Variants in CCDC3 observed in about 807,000 individuals in gnomAD.
CCDC3 encodes coiled-coil domain-containing protein 3.
Under a neutral mutation model 21.4 loss-of-function variants are expected in CCDC3, and 24 were observed. The ratio of observed to expected loss-of-function variants is 1.12; its 90% CI spans 0.81 to 1.58. CCDC3 has a LOEUF of 1.58. Ranked by LOEUF, CCDC3 falls within the 40% of genes most tolerant of loss-of-function variation. The probability of loss-of-function intolerance (pLI) is 0.00; values close to 1 mark genes in which losing one functional copy is unlikely to be tolerated. For synonymous variants in CCDC3, 186 were observed against 166.0 expected (o/e 1.12, Z -0.93); for missense variants, 425 against 360.9 (o/e 1.18, Z -1.44).
In CCDC3 at chr10:12,898,244, G is replaced by T; in HGVS notation, c.*172C>A. 2 of 791,174 alleles carry T rather than the reference G, an allele frequency of 2.5e-6. No homozygotes were observed. The highest frequency in any genetic ancestry group is 3.9e-6 in the Non-Finnish European group (2 of 511,742). 49.0% of individuals were successfully genotyped at this position (791,174 alleles called of 1,614,324 possible). On this transcript the variant is annotated 3_prime_UTR_variant, in exon 3 of 3. Coordinates refer to ENST00000378825, the MANE Select transcript of CCDC3 (RefSeq NM_031455.4). ...GCAGCGCGTGGGGTCTGACATTGAG[G>T]CCAGCACCCAAGGGGAAAGCAAGCC...
intron 4 of CCDC3, among the ~76,000 whole-genome samples, chr10:13,059,948 G>A (rs1042650226): frequency 2.6e-5 from 4 of 152,174 alleles, no homozygotes; most frequent in Admixed American, 1.3e-4. Context: ...TTAGCCGGGC[G>A]TGATGGCGGG....
chr10:12,989,723 C>T (rs971894803), intron 2 of CCDC3, among the ~76,000 whole-genome samples: 1 of 152,086 alleles, frequency 6.6e-6, no homozygotes, highest in Non-Finnish European at 1.5e-5. Flanking sequence ...CACCTGGCCC[C>T]AGCACCCTTT....
chr10:12,911,815 C>CT (rs1476070019), intron 2 of CCDC3, among the ~76,000 whole-genome samples: 1 of 152,178 alleles, frequency 6.6e-6, no homozygotes, highest in Admixed American at 6.5e-5. Context: ...TCCAATACCC[C>CT]TTCCAAGTCT....
chr10:13,084,623 C>T (rs1484538449), intron 3 of CCDC3, among the ~76,000 whole-genome samples: 1 of 152,152 alleles, frequency 6.6e-6, no homozygotes, highest in Non-Finnish European at 1.5e-5. Flanking sequence ...TTTTGCTTTG[C>T]ACTGTGGACT....
At chr10:13,091,820 CAAAAAAAAAAA>C (rs5783305) in intron 3 of CCDC3, among the ~76,000 whole-genome samples, 16 of 127,354 alleles carry the variant, frequency 1.3e-4, no homozygotes, top group Non-Finnish European at 1.8e-4. Flanking sequence ...AAGCCCAATC[CAAAAAAAAAAA>C]AAAAAAAAAA....
chr10:13,025,759 CTCTCAG>C (rs1236530535), intron 5 of CCDC3, among the ~76,000 whole-genome samples: 10 of 152,176 alleles, frequency 6.6e-5, no homozygotes, highest in African/African-American at 2.4e-4. Context: ...TTGAGTCTCA[CTCTCAG>C]ATCAAGAACA....
At chr10:13,025,988 C>T (rs1044098443) in intron 5 of CCDC3, among the ~76,000 whole-genome samples, 12 of 152,230 alleles carry the variant, frequency 7.9e-5, no homozygotes, top group Admixed American at 5.9e-4. Context: ...CAAGACCAGC[C>T]TGGCCAACAT....
upstream of CCDC3, among the ~76,000 whole-genome samples, chr10:13,003,966 T>C (rs115024815): frequency 0.02 from 2,993 of 152,252 alleles, 110 homozygotes; most frequent in African/African-American, 0.068. Flanking sequence ...ACTGATTGGG[T>C]TTCTCTTCCT....
In CCDC3 at chr10:13,039,681, T is replaced by C. The variant is rs944192480; in HGVS notation, c.-2+9993A>G. 4.6e-5 allele frequency among the ~76,000 whole-genome samples: 7 copies of C among 152,140 alleles called. No homozygotes were observed. In the East Asian group the frequency reaches 1.3e-3, roughly 29 times the overall value. On this transcript the variant is annotated intron_variant, in intron 5 of 6. Coordinates refer to the CCDC3 transcript ENST00000378839. ...AAAGTTGGGAGAGTGCAGAGTAACA[T>C]TCTGATTTCACTGTAATTTGCACTG...
intron 3 of CCDC3, among the ~76,000 whole-genome samples, chr10:13,092,650 A>G (rs1832584457): frequency 6.6e-6 from 1 of 152,208 alleles, no homozygotes; most frequent in East Asian, 1.9e-4. Flanking sequence ...ATTCAGAAAA[A>G]GGAATGGATG....
chr10:13,004,725 C>A (rs11258118), upstream of CCDC3, among the ~76,000 whole-genome samples: 492 of 152,022 alleles, frequency 3.2e-3, 5 homozygotes, highest in East Asian at 0.025. Context: ...CTAGGCCAGC[C>A]GTGGTAAGAG....
intron 3 of CCDC3, among the ~76,000 whole-genome samples, chr10:13,076,521 T>A (rs187292420): frequency 2.1e-3 from 318 of 152,346 alleles, no homozygotes; most frequent in African/African-American, 7.1e-3. Flanking sequence ...ATCATAAGTG[T>A]TAGAAGTAAT....
intron 2 of CCDC3, among the ~76,000 whole-genome samples, chr10:12,993,429 C>G (rs1835708207): frequency 6.6e-6 from 1 of 152,076 alleles, no homozygotes; most frequent in Non-Finnish European, 1.5e-5. Context: ...CTTCCCAACT[C>G]CAAAAGAAGA....
chr10:13,089,018 A>AT (rs1554766758), intron 3 of CCDC3, among the ~76,000 whole-genome samples: 1 of 151,706 alleles, frequency 6.6e-6, no homozygotes, highest in Non-Finnish European at 1.5e-5. Flanking sequence ...AAAAAAAAAA[A>AT]AAAATAAAAG....
At chr10:13,087,824 G>C (rs1202643029) in intron 3 of CCDC3, among the ~76,000 whole-genome samples, 1 of 151,854 alleles carries the variant, frequency 6.6e-6, no homozygotes, top group African/African-American at 2.4e-5. Context: ...CTTTTCTACA[G>C]CCTGAAGGTA....
chr10:12,960,823 T>G (rs953902666), intron 2 of CCDC3, among the ~76,000 whole-genome samples: 1 of 152,172 alleles, frequency 6.6e-6, no homozygotes, highest in Non-Finnish European at 1.5e-5. Flanking sequence ...ACACCCAGAA[T>G]GGGCATTATC....
At chr10:12,926,426 G>A (rs772323631) in intron 2 of CCDC3, among the ~76,000 whole-genome samples, 2 of 152,166 alleles carry the variant, frequency 1.3e-5, no homozygotes, top group Non-Finnish European at 2.9e-5. Context: ...GCCCACTCTA[G>A]AGTGCCTTAT....
chr10:13,058,501 T>C, intron 4 of CCDC3: 1 of 747,662 alleles, frequency 1.3e-6, no homozygotes, highest in Non-Finnish European at 2.5e-6. Flanking sequence ...ACAAATGATA[T>C]CTCTGTTCGT....
rs1487686819 is a variant in CCDC3, at chr10:13,001,254, T to G, written c.317A>C (p.Tyr106Ser). 2 of 1,592,566 alleles carry G rather than the reference T, an allele frequency of 1.3e-6. No individual in the cohort carries two copies. The highest frequency in any genetic ancestry group is 8.5e-7 in the Non-Finnish European group (1 of 1,170,610). The change falls in exon 1 of 3, where the codon TAC becomes TCC. Residue 106 changes from tyrosine (Y) to serine (S), a missense_variant. Physicochemically the swap from Tyr to Ser is moderately radical, Grantham distance 144. Transcript: ENST00000378825. The part of the protein sequence containing the change: ...GSRLNLTGLG[Y>S]FSCHSHTVVQ... ...CACGGTGTGGGAGTGGCACGAGAAG[T>G]AGCCCAGGCCGGTGAGGTTGAGCCT...
Sources: gnomAD v4.1 joint callset for allele counts (sites outside exome capture counted in the v4.1 genomes callset) on GRCh38, gnomAD v4.1.1 for gene constraint, MANE v1.5 for transcripts, NCBI Gene and HGNC (gene_info 2026-07-23, HGNC 2026-07-21) for gene names.